The following SMIM21 variants were observed in gnomAD, a reference collection of about 807,000 sequenced individuals.
SMIM21 encodes small integral membrane protein 21, also known as chromosome 18 open reading frame 62.
A neutral mutation model predicts 8.6 loss-of-function variants in SMIM21; 8 were observed. The observed-to-expected ratio is 0.93, with a 90% CI of 0.55 to 1.68. The LOEUF is 1.68. Among genes scored for constraint, SMIM21 ranks in the 40% most tolerant of loss-of-function variants. The pLI is 0.00. For missense variants in SMIM21, 132 were observed against 123.0 expected, an observed-to-expected ratio of 1.07 and a Z score of -0.35; for synonymous variants, 43 against 41.7, an observed-to-expected ratio of 1.03 and a Z score of -0.12.
At chr18:75,419,096 G>T (rs977552749) in intron 1 of SMIM21, 180 bp from the exon 2 acceptor site, 2 of 447,080 alleles carry the variant, frequency 4.5e-6, no homozygotes, top group Non-Finnish European at 7.9e-6. Context: ...TATAAAATTA[G>T]TTGGGGAAAA....
chr18:75,411,379 A>G (rs1040546521), intron 2 of SMIM21, among the ~76,000 whole-genome samples: 1 of 152,264 alleles, frequency 6.6e-6, no homozygotes, highest in Non-Finnish European at 1.5e-5. Context: ...CAAAGAGCTC[A>G]GGGGTTTGGC....
intron 1 of SMIM21, among the ~76,000 whole-genome samples, chr18:75,426,119 T>G (rs185756945): frequency 1.3e-5 from 2 of 152,164 alleles, no homozygotes; most frequent in Admixed American, 6.5e-5. Context: ...ACCATCATCA[T>G]GTACCTAAGA....
intron 2 of SMIM21, among the ~76,000 whole-genome samples, chr18:75,413,184 C>T (rs17281729): frequency 0.032 from 4,862 of 152,188 alleles, 105 homozygotes; most frequent in Non-Finnish European, 0.051. Flanking sequence ...AAGGTGGAAT[C>T]CAACAGTCCC....
chr18:75,412,617 T>C (rs1402335919), intron 2 of SMIM21: 2 of 152,140 alleles, frequency 1.3e-5, no homozygotes. Flanking sequence ...GCACATAGGC[T>C]CCCATGTTGC....
chr18:75,413,168 A>G (rs2024601317), intron 2 of SMIM21, among the ~76,000 whole-genome samples: 2 of 152,040 alleles, frequency 1.3e-5, no homozygotes, highest in Admixed American at 1.3e-4. Flanking sequence ...TTCCTGAAGA[A>G]AGTCTAAGGT....
Position 75,427,505 on chromosome 18 carries a change from A to C in SMIM21, c.59T>G (p.Phe20Cys), listed in dbSNP as rs2024777528. ...TCCCATTCCTGCAGAGTCTTGTTTA[A>C]ATGTTCCCAGCTGTGCTATAGGGAA... The part of the protein sequence containing the change: ...PRFPIAQLGT[F>C]KQDSAGMGRI... The change falls in exon 1 of 3, where the codon TTT (phenylalanine) becomes TGT (cysteine). Residue 20 changes from phenylalanine (F) to cysteine (C), a missense_variant. Transcript: ENST00000579022. 6.2e-7 allele frequency: 1 copy of C among 1,613,904 alleles called. No homozygotes were observed. The highest frequency in any genetic ancestry group is 8.5e-7 in the Non-Finnish European group (1 of 1,179,984).
At chr18:75,415,505 T>C (rs9965763) in intron 2 of SMIM21, among the ~76,000 whole-genome samples, 112,612 of 151,888 alleles carry the variant, frequency 0.74, 42,377 homozygotes, top group East Asian at 0.99. Flanking sequence ...ATGAGCATTC[T>C]GACTTGCCTG....
Position 75,427,609 on chromosome 18 carries a change from C to A in SMIM21, c.-46G>T, listed in dbSNP as rs73973101. ...CAGTGAGAGGTCTCCTTGATGACAG[C>A]GACTCTGAGGACACAGAGCTGGTGC... On this transcript the variant is annotated 5_prime_UTR_variant, in exon 1 of 3. Coordinates refer to ENST00000579022, the MANE Select transcript of SMIM21 (RefSeq NM_001037331.3). 1.9e-6 allele frequency: 3 copies of A among 1,538,994 alleles called. No homozygotes were observed. The highest frequency in any genetic ancestry group is 2.3e-5 in the East Asian group (1 of 43,984).
At position 75,410,218 on chromosome 18, in the gene SMIM21, G is replaced by C. The variant is rs1209037189; in HGVS notation, c.*646C>G. 6.6e-6 allele frequency: 1 copy of C among 152,644 alleles called. No homozygotes were observed. Among genetic ancestry groups the C allele is most frequent in the East Asian group, 1.9e-4 (1 of 5,192 alleles). 9.5% of individuals were successfully genotyped at this position (152,644 alleles called of 1,614,324 possible). A position where few individuals can be genotyped will look rare whatever the true frequency, so the allele number is the denominator to read the frequency against. On this transcript the variant is annotated 3_prime_UTR_variant, in exon 3 of 3. Coordinates refer to ENST00000579022, the MANE Select transcript of SMIM21 (RefSeq NM_001037331.3). Reference sequence around the variant, plus strand: ...CCTAAATCATTTGATAATGTAAGAGGCTTGGTGCAGTTTTCTACTTGACTG... The same window carrying C: ...CCTAAATCATTTGATAATGTAAGAGCCTTGGTGCAGTTTTCTACTTGACTG...
intron 2 of SMIM21, chr18:75,417,213 C>T (rs2024655896): frequency 6.6e-6 from 1 of 152,158 alleles, no homozygotes; most frequent in Admixed American, 6.5e-5. Context: ...GGTGCATGGC[C>T]TTTCCAGTTG....
chr18:75,418,311 G>A (rs2024670129), intron 2 of SMIM21: 2 of 394,730 alleles, frequency 5.1e-6, no homozygotes, highest in East Asian at 7.2e-5. Context: ...AAGCACAACT[G>A]GAATCACTCT....
In SMIM21 at chr18:75,410,708, A is replaced by G. The variant is rs939320348; in HGVS notation, c.*156T>C. The stretch of plus-strand genomic sequence containing the variant: ...AACAAAGCAGACATTATCATTGCAA[A>G]AAGTTACACGTTCTTCATTCTCTCT... On this transcript the variant is annotated 3_prime_UTR_variant, in exon 3 of 3. Transcript: ENST00000579022. 2 of 1,440,348 alleles carry G rather than the reference A, an allele frequency of 1.4e-6. No individual in the cohort carries two copies. The highest frequency in any genetic ancestry group is 1.8e-6 in the Non-Finnish European group (2 of 1,101,716). The allele number at this position is 1,440,348 out of a possible 1,614,324, so 89.2% of individuals were successfully genotyped here. A position where few individuals can be genotyped will look rare whatever the true frequency, so the allele number is the denominator to read the frequency against.
rs2024564215 is a variant in SMIM21, at chr18:75,409,879, A to C, written c.*985T>G. The C allele has an allele frequency of 6.6e-6, 1 of 152,372 alleles. No individual in the cohort carries two copies. Among genetic ancestry groups the C allele is most frequent in the African/African-American group, 2.4e-5 (1 of 41,354 alleles). 9.4% of individuals were successfully genotyped at this position (152,372 alleles called of 1,614,324 possible). A position where few individuals can be genotyped will look rare whatever the true frequency, so the allele number is the denominator to read the frequency against. On this transcript the variant is annotated 3_prime_UTR_variant, in exon 3 of 3. Coordinates refer to ENST00000579022, the MANE Select transcript of SMIM21 (RefSeq NM_001037331.3). ...TCTGAATCCCTGGCTCCCCAGCCGG[A>C]CTCTTCAGTGCACAGCTGCCACAGG...
chr18:75,416,142 G>T (rs2024641840), intron 2 of SMIM21: 1 of 152,194 alleles, frequency 6.6e-6, no homozygotes, highest in Admixed American at 6.5e-5. Context: ...TGTAGCAGTT[G>T]GTTGTTCCTG....
chr18:75,418,969 T>C, intron 1 of SMIM21, 53 bp from the exon 2 acceptor site: 2 of 1,211,200 alleles, frequency 1.7e-6, no homozygotes, highest in African/African-American at 1.5e-5. Context: ...CTTTTCAAGC[T>C]TCATGCTACA....
intron 2 of SMIM21, chr18:75,417,354 G>A (rs2024657639): frequency 6.6e-6 from 1 of 152,204 alleles, no homozygotes; most frequent in Non-Finnish European, 1.5e-5. Context: ...GTAAATCTCA[G>A]GCAGCTGACT....
chr18:75,424,037 A>C (rs992777507), intron 1 of SMIM21, among the ~76,000 whole-genome samples: 2 of 137,214 alleles, frequency 1.5e-5, no homozygotes, highest in Non-Finnish European at 3.4e-5. Flanking sequence ...TTGCTTCAAG[A>C]ATGTTTGACC....
chr18:75,415,730 T>C (rs2024636965), intron 2 of SMIM21, among the ~76,000 whole-genome samples: 1 of 152,244 alleles, frequency 6.6e-6, no homozygotes, highest in South Asian at 2.1e-4. Flanking sequence ...GTATCTATCA[T>C]TTGTCTACAA....
chr18:75,422,219 G>T (rs538866011), intron 1 of SMIM21, among the ~76,000 whole-genome samples: 9 of 152,254 alleles, frequency 5.9e-5, no homozygotes, highest in Admixed American at 5.9e-4. Context: ...TGAGACAGGG[G>T]CGCACCATGG....
Sources: gnomAD v4.1 joint callset for allele counts (sites outside exome capture counted in the v4.1 genomes callset) on GRCh38, gnomAD v4.1.1 for gene constraint, MANE v1.5 for transcripts, NCBI Gene and HGNC (gene_info 2026-07-23, HGNC 2026-07-21) for gene names.